ASB5: variants seen among roughly 807,000 people sequenced by gnomAD.
ASB5 encodes the protein ankyrin repeat and SOCS box protein 5.
Under a neutral mutation model 42.1 loss-of-function variants are expected in ASB5, and 45 were observed. That is an observed-to-expected ratio of 1.07 (90% CI 0.84 to 1.37). The LOEUF (loss-of-function observed/expected upper bound fraction) is 1.37. Among genes scored for constraint, ASB5 ranks in the 40% most tolerant of loss-of-function variants. The pLI is 0.00. For synonymous variants in ASB5, 147 were observed against 150.6 expected (o/e 0.98, Z 0.18); for missense variants, 402 against 399.8 (o/e 1.01, Z -0.05).
chr4:176,250,355 G>C (rs1330059184), intron 1 of ASB5, among the ~76,000 whole-genome samples: 1 of 152,224 alleles, frequency 6.6e-6, no homozygotes, highest in African/African-American at 2.4e-5. Context: ...TTAGCATTCA[G>C]AGCTAAAAGT....
At position 176,262,851 on chromosome 4, in the gene ASB5, A is replaced by G. The variant is rs796459564; in HGVS notation, c.196+6062T>C. 2.0e-5 allele frequency among the ~76,000 whole-genome samples: 3 copies of G among 152,202 alleles called. No homozygotes were observed. The South Asian group carries it at 6.2e-4, about 31-fold the overall frequency. Reference sequence around the variant, plus strand: ...GAACAAAAGATATAAGAATATTCCTAGGAAAACTGATCCCTCCTAAACTAT... The same window carrying G: ...GAACAAAAGATATAAGAATATTCCTGGGAAAACTGATCCCTCCTAAACTAT... On this transcript the variant is annotated intron_variant, in intron 1 of 6. Transcript: ENST00000296525.
Position 176,222,378 on chromosome 4 carries a change from A to C in ASB5, c.319T>G (p.Leu107Val), listed in dbSNP as rs748139319. ...TGATCTCCAAGGCAGGCTTCGTGCA[A>C]TGGGGTGACATGGTCTAAGGTTACT... ...NAVTLDHVTP[L>V]HEACLGDHVA... The change falls in exon 3 of 7, where the codon TTG (leucine) becomes GTG (valine). Residue 107 changes from leucine (L) to valine (V), a missense_variant. Coordinates refer to ENST00000296525, the MANE Select transcript of ASB5 (RefSeq NM_080874.4). 6.2e-7 allele frequency: 1 copy of C among 1,613,802 alleles called. No homozygotes were observed. The highest frequency in any genetic ancestry group is 1.7e-5 in the Admixed American group (1 of 59,900).
chr4:176,256,343 C>CA (rs1262525926), intron 1 of ASB5, among the ~76,000 whole-genome samples: 2 of 152,080 alleles, frequency 1.3e-5, no homozygotes, highest in African/African-American at 4.8e-5. Flanking sequence ...AGAAAGAATA[C>CA]AAAAATCATT....
At chr4:176,232,691 C>T (rs1322929626) in intron 1 of ASB5, among the ~76,000 whole-genome samples, 1 of 152,200 alleles carries the variant, frequency 6.6e-6, no homozygotes, top group Non-Finnish European at 1.5e-5. Flanking sequence ...CACAGAGCCA[C>T]AGAAATCCTT....
rs1015069106 is a variant in ASB5 at position 176,227,423 on chromosome 4, G to T, written c.197-2082C>A. ...ACAAAGGGATTGATGACTGGTAAATGACTTCTGCCCTCTGCACCAGGCTGG... is the reference window on the plus strand; with the variant it reads ...ACAAAGGGATTGATGACTGGTAAATTACTTCTGCCCTCTGCACCAGGCTGG... On this transcript the variant is annotated intron_variant, in intron 1 of 6. Transcript: ENST00000296525. Among the ~76,000 whole-genome samples the T allele has an allele frequency of 3.3e-5, 5 of 152,294 alleles. No individual in the cohort carries two copies. The South Asian group carries it at 1.0e-3, about 32-fold the overall frequency.
intron 1 of ASB5, chr4:176,249,611 G>A (rs1041583940): frequency 1.3e-5 from 2 of 152,132 alleles, no homozygotes; most frequent in Non-Finnish European, 2.9e-5. Flanking sequence ...TTGGTGCTGA[G>A]AAGTAACAGG....
At chr4:176,251,702 C>T (rs558135310) in intron 1 of ASB5, among the ~76,000 whole-genome samples, 5 of 146,732 alleles carry the variant, frequency 3.4e-5, no homozygotes, top group East Asian at 4.1e-4. Flanking sequence ...TAAAGGAAAA[C>T]GATCTTCGAG....
chr4:176,266,131 T>A (rs1754351295), intron 1 of ASB5, among the ~76,000 whole-genome samples: 1 of 152,164 alleles, frequency 6.6e-6, no homozygotes, highest in South Asian at 2.1e-4. Flanking sequence ...TCTAATACAA[T>A]CAGCTGATTT....
At chr4:176,261,764 G>C (rs1033788111) in intron 1 of ASB5, among the ~76,000 whole-genome samples, 2 of 152,030 alleles carry the variant, frequency 1.3e-5, no homozygotes, top group Admixed American at 1.3e-4. Flanking sequence ...GCGCCATATG[G>C]TTTTCTACCT....
intron 1 of ASB5, among the ~76,000 whole-genome samples, chr4:176,276,517 C>T (rs1266687338): frequency 6.6e-6 from 1 of 152,158 alleles, no homozygotes; most frequent in African/African-American, 2.4e-5. Flanking sequence ...TGAAAGATAG[C>T]TGTAACTTCT....
exon 2 of ASB5, chr4:176,275,820 G>C (rs762638011): frequency 3.3e-5 from 5 of 152,254 alleles, no homozygotes; most frequent in Non-Finnish European, 7.3e-5. Context: ...CCTGTCAGCT[G>C]TCTGGGGAAT....
chr4:176,241,560 G>T, intron 1 of ASB5: 6 of 1,518,086 alleles, frequency 4.0e-6, no homozygotes, highest in Non-Finnish European at 5.3e-6. Context: ...TTACAAGGCC[G>T]TGCCCTCATA....
chr4:176,242,756 C>CA (rs1382017544), intron 1 of ASB5, among the ~76,000 whole-genome samples: 1 of 152,138 alleles, frequency 6.6e-6, no homozygotes, highest in East Asian at 1.9e-4. Context: ...TTTTCTTCAT[C>CA]AATTTGTGGA....
chr4:176,241,266 TA>T (rs1753805892), intron 1 of ASB5, among the ~76,000 whole-genome samples: 1 of 152,244 alleles, frequency 6.6e-6, no homozygotes, highest in African/African-American at 2.4e-5. Flanking sequence ...TAAGTTGATA[TA>T]ACTTTTAAGT....
At chr4:176,218,550 G>GATATATATATTTGTATGATATATAA (rs1579307393) in intron 5 of ASB5, among the ~76,000 whole-genome samples, 6 of 75,334 alleles carry the variant, frequency 8.0e-5, no homozygotes, top group South Asian at 3.4e-4. Context: ...ATATTTGTAT[G>GATATATATATTTGTATGATATATAA]ATATATATAT....
chr4:176,267,902 C>T (rs985399443), intron 1 of ASB5, among the ~76,000 whole-genome samples: 7 of 152,104 alleles, frequency 4.6e-5, no homozygotes, highest in Admixed American at 1.3e-4. Flanking sequence ...TAAAATGAGT[C>T]GCATCCCACA....
Position 176,251,327 on chromosome 4 carries a change from C to A in ASB5, c.196+17586G>T, listed in dbSNP as rs1401484579. Among the ~76,000 whole-genome samples the A allele has an allele frequency of 6.6e-5, 5 of 75,806 alleles. 2 individuals carry two copies. Among genetic ancestry groups the A allele is most frequent in the Non-Finnish European group, 1.0e-4 (3 of 30,066 alleles). 49.7% of individuals were successfully genotyped at this position (75,806 alleles called of 152,430 possible). A position where few individuals can be genotyped will look rare whatever the true frequency, so the allele number is the denominator to read the frequency against. On this transcript the variant is annotated intron_variant, in intron 1 of 6. Coordinates refer to ENST00000296525, the MANE Select transcript of ASB5 (RefSeq NM_080874.4). ...CCTGTAATCCCAGCACTTTGGGAGGCCGAGGCGGGCGGATCACGAGGTCAG... is the reference window on the plus strand; with the variant it reads ...CCTGTAATCCCAGCACTTTGGGAGGACGAGGCGGGCGGATCACGAGGTCAG...
At chr4:176,265,115 ATG>A (rs1754331107) in intron 1 of ASB5, among the ~76,000 whole-genome samples, 2 of 152,258 alleles carry the variant, frequency 1.3e-5, no homozygotes. Flanking sequence ...AAAACTTTCA[ATG>A]ACTCCTACTG....
intron 5 of ASB5, 51 bp from the exon 6 acceptor site, chr4:176,217,060 G>A: frequency 6.9e-7 from 1 of 1,449,280 alleles, no homozygotes; most frequent in Non-Finnish European, 9.4e-7. Flanking sequence ...TGTTAAATAA[G>A]CCAGCTGCCT....
Sources: allele counts gnomAD v4.1 joint callset (sites outside exome capture counted in the v4.1 genomes callset), GRCh38; gene constraint gnomAD v4.1.1; transcripts MANE v1.5; gene names NCBI Gene and HGNC (gene_info 2026-07-23, HGNC 2026-07-21).